The following ZSWIM6 variants were observed in gnomAD, a reference collection of about 807,000 sequenced individuals.
ZSWIM6 encodes zinc finger SWIM domain-containing protein 6.
Under a neutral mutation model 113.2 loss-of-function variants are expected in ZSWIM6, and 9 were observed. The observed-to-expected ratio is 0.08, with a 90% CI of 0.05 to 0.14. The LOEUF is 0.14. Ranked by LOEUF, ZSWIM6 falls within the 10% of genes least tolerant of loss-of-function variation. The pLI, the probability that ZSWIM6 is intolerant of heterozygous loss-of-function variation, is 1.00. For synonymous variants in ZSWIM6, 611 were observed against 606.5 expected, an observed-to-expected ratio of 1.01 and a Z score of -0.11; for missense variants, 1,162 against 1,552.2, an observed-to-expected ratio of 0.75 and a Z score of 4.22.
At chr5:61,430,620 C>A (rs1250464856) in intron 1 of ZSWIM6, among the ~76,000 whole-genome samples, 3 of 151,890 alleles carry the variant, frequency 2.0e-5, no homozygotes, top group Non-Finnish European at 4.4e-5. Flanking sequence ...GGGGGTTCTG[C>A]AGGGCTGACT....
Position 61,530,189 on chromosome 5 carries a change from G to C in ZSWIM6, c.1975G>C (p.Asp659His), listed in dbSNP as rs1249715291. The C allele has an allele frequency of 6.4e-7, 1 of 1,550,504 alleles. No individual in the cohort carries two copies. Among genetic ancestry groups the C allele is most frequent in the Non-Finnish European group, 8.7e-7 (1 of 1,146,340 alleles). ...IDDENLSGFS[D>H]FTENMGQCKS... ...TGATGAGAACCTCTCTGGGTTCTCA[G>C]ATTTTACAGGTAAAACCATTGACAT... Residue 659 changes from aspartate (D) to histidine (H), a missense_variant, in exon 8 of 14, where the codon GAT becomes CAT. Physicochemically the swap from Asp to His is moderately conservative, Grantham distance 81. This residue lies in a region of ZSWIM6 where 620 missense variants were observed against 804.6 expected (regional missense o/e 0.77). Transcript: ENST00000252744.
intron 1 of ZSWIM6, among the ~76,000 whole-genome samples, chr5:61,442,105 CATG>C (rs1430680432): frequency 6.6e-6 from 1 of 152,096 alleles, no homozygotes; most frequent in Non-Finnish European, 1.5e-5. Flanking sequence ...GTTAGCCAAT[CATG>C]GTGGGTGTGG....
At chr5:61,529,986 T>G in intron 7 of ZSWIM6, 66 bp from the exon 8 acceptor site, 3 of 1,380,950 alleles carry the variant, frequency 2.2e-6, no homozygotes, top group Non-Finnish European at 1.9e-6. Flanking sequence ...AGCCTCTGTT[T>G]TCCCCACTTC....
At chr5:61,394,195 C>T (rs1191316967) in intron 1 of ZSWIM6, among the ~76,000 whole-genome samples, 3 of 152,206 alleles carry the variant, frequency 2.0e-5, no homozygotes, top group Admixed American at 6.5e-5. Flanking sequence ...AATTCCCATC[C>T]TTTAGGTTGC....
At chr5:61,351,978 C>T (rs999858248) in intron 1 of ZSWIM6, among the ~76,000 whole-genome samples, 10 of 152,146 alleles carry the variant, frequency 6.6e-5, no homozygotes, top group African/African-American at 2.4e-4. Flanking sequence ...GTTGTTCATA[C>T]CTACCCTGTG....
chr5:61,465,238 T>G (rs1747411652), intron 1 of ZSWIM6, among the ~76,000 whole-genome samples: 1 of 152,214 alleles, frequency 6.6e-6, no homozygotes, highest in Non-Finnish European at 1.5e-5. Flanking sequence ...CAATTTTTCT[T>G]TTAATCACAA....
chr5:61,360,892 G>A (rs751706293), intron 1 of ZSWIM6, among the ~76,000 whole-genome samples: 2 of 151,968 alleles, frequency 1.3e-5, no homozygotes, highest in Non-Finnish European at 2.9e-5. Flanking sequence ...GAGGCACCTT[G>A]GTTTTCTTCT....
At chr5:61,338,099 C>T (rs1181151602) in intron 1 of ZSWIM6, among the ~76,000 whole-genome samples, 1 of 151,452 alleles carries the variant, frequency 6.6e-6, no homozygotes, top group Non-Finnish European at 1.5e-5. Flanking sequence ...GCCCAGCATT[C>T]CACATAACAT....
chr5:61,410,485 T>G (rs910025808), intron 1 of ZSWIM6, among the ~76,000 whole-genome samples: 2 of 151,856 alleles, frequency 1.3e-5, no homozygotes, highest in Admixed American at 1.3e-4. Context: ...AATTTTTGTA[T>G]TTTTAGTAGA....
intron 1 of ZSWIM6, among the ~76,000 whole-genome samples, chr5:61,383,163 T>G (rs1745519917): frequency 6.6e-6 from 1 of 152,242 alleles, no homozygotes; most frequent in African/African-American, 2.4e-5. Flanking sequence ...AAAATAAGTT[T>G]ATTGTATGTT....
At position 61,541,949 on chromosome 5, in the gene ZSWIM6, G is replaced by A. The variant is rs1411350140; in HGVS notation, c.2769G>A (p.Thr923=). 9 of 1,550,584 alleles carry A rather than the reference G, an allele frequency of 5.8e-6. No homozygotes were observed. The highest frequency in any genetic ancestry group is 1.4e-5 in the African/African-American group (1 of 73,014). ...GGGAGATGGTGAGGTGGCTGGTAAC[G>A]TGTGCTACTGAAGTCGGTAGGTAAA... ...RRREMVRWLV[T]CATEVGVYAL... Residue 923 remains threonine (T), a synonymous_variant, in exon 13 of 14, where the codon ACG becomes ACA. Coordinates refer to ENST00000252744, the MANE Select transcript of ZSWIM6 (RefSeq NM_020928.2).
intron 1 of ZSWIM6, among the ~76,000 whole-genome samples, chr5:61,372,043 G>A (rs900084209): frequency 1.2e-4 from 18 of 149,996 alleles, no homozygotes; most frequent in Admixed American, 9.3e-4. Flanking sequence ...ATTATCTTTC[G>A]GAGTGAATAA....
chr5:61,527,308 A>C (rs1270825204), intron 7 of ZSWIM6, among the ~76,000 whole-genome samples: 1 of 152,112 alleles, frequency 6.6e-6, no homozygotes, highest in African/African-American at 2.4e-5. Flanking sequence ...ATTTTTCATT[A>C]AGAGGGATAG....
intron 4 of ZSWIM6, among the ~76,000 whole-genome samples, chr5:61,495,948 G>T (rs1748303483): frequency 6.6e-6 from 1 of 152,102 alleles, no homozygotes; most frequent in Admixed American, 6.6e-5. Flanking sequence ...CGACTGTTTA[G>T]GAAGAAAATA....
Position 61,535,338 on chromosome 5 carries a change from TAAGGA to T in ZSWIM6, c.2246-145_2246-141del. ...TATACCCTGAAGAATCTTTTTTGAT[TAAGGA>T]TTATATTCCTTTCTATATCATTTAC... is the stretch of plus-strand genomic sequence containing the variant. On this transcript the variant is annotated intron_variant, in intron 9 of 13. Transcript: ENST00000252744. The T allele has an allele frequency of 4.9e-6, 5 of 1,023,456 alleles. No homozygotes were observed. In the Admixed American group the frequency reaches 7.7e-5, roughly 16 times the overall value. The allele number at this position is 1,023,456 out of a possible 1,614,324, so 63.4% of individuals were successfully genotyped here. A position where few individuals can be genotyped will look rare whatever the true frequency, so the allele number is the denominator to read the frequency against.
intron 1 of ZSWIM6, among the ~76,000 whole-genome samples, chr5:61,370,128 G>A (rs1561210787): frequency 1.3e-5 from 2 of 152,012 alleles, no homozygotes; most frequent in South Asian, 4.2e-4. Context: ...GAACTACATC[G>A]AACAAATTAT....
At position 61,543,789 on chromosome 5, in the gene ZSWIM6, C is replaced by T. The variant is rs369066717; in HGVS notation, c.3120C>T (p.Arg1040=). ...LFTIARYMEH[R]GYPMRAYKLA... is the part of the protein sequence containing the mutation. ...CAATAGCACGGTACATGGAGCACCG[C>T]GGGTACCCCATGAGGGCCTACAAGC... is the stretch of plus-strand genomic sequence containing the variant. Residue 1040 remains arginine, a synonymous_variant, in exon 14 of 14, where the codon CGC becomes CGT. Coordinates refer to ENST00000252744, the MANE Select transcript of ZSWIM6 (RefSeq NM_020928.2). The surrounding 1 kb of genome is among the most constrained non-coding windows in gnomAD (Gnocchi z 4.3). The T allele has an allele frequency of 3.6e-5, 56 of 1,551,878 alleles. No homozygotes were observed. The highest frequency in any genetic ancestry group is 1.5e-4 in the African/African-American group (11 of 73,168).
intron 1 of ZSWIM6, among the ~76,000 whole-genome samples, chr5:61,426,439 T>C (rs955426018): frequency 6.6e-6 from 1 of 152,236 alleles, no homozygotes; most frequent in Non-Finnish European, 1.5e-5. Flanking sequence ...TACGCACTTA[T>C]ATATGCAAGC....
chr5:61,475,128 GCTT>G (rs1747677717), intron 2 of ZSWIM6, among the ~76,000 whole-genome samples: 1 of 152,144 alleles, frequency 6.6e-6, no homozygotes, highest in Non-Finnish European at 1.5e-5. Context: ...TCTGTTTGTG[GCTT>G]CTTATTAAAT....
Sources: allele counts gnomAD v4.1 joint callset (sites outside exome capture counted in the v4.1 genomes callset), GRCh38; gene constraint gnomAD v4.1.1; regional missense constraint gnomAD v4.1.1; non-coding constraint Gnocchi (gnomAD v3.1); transcripts MANE v1.5; gene names NCBI Gene and HGNC (gene_info 2026-07-23, HGNC 2026-07-21).